Variants in SGPL1 observed in about 807,000 individuals in gnomAD.
The protein encoded by SGPL1 is SP-lyase 1.
SGPL1 carries 37 observed loss-of-function variants against 68.9 expected under a neutral mutation model. That is an observed-to-expected ratio of 0.54 (90% CI 0.41 to 0.71). SGPL1 has a LOEUF of 0.71. Ranked by LOEUF, SGPL1 falls within the 30% of genes least tolerant of loss-of-function variation. SGPL1 has a pLI of 0.00. For synonymous variants in SGPL1, 236 were observed against 248.5 expected (o/e 0.95, Z 0.47); for missense variants, 551 against 704.6 (o/e 0.78, Z 2.47).
chr10:70,831,209 TCTCTC>T (rs1457945325), intron 2 of SGPL1, among the ~76,000 whole-genome samples: 2 of 152,120 alleles, frequency 1.3e-5, no homozygotes, highest in Non-Finnish European at 2.9e-5. Context: ...AGGGAAAAAC[TCTCTC>T]CTCTACTCTC....
chr10:70,824,974 T>TG (rs1845407102), intron 2 of SGPL1, among the ~76,000 whole-genome samples: 1 of 151,132 alleles, frequency 6.6e-6, no homozygotes, highest in Non-Finnish European at 1.5e-5. Flanking sequence ...TTCTCTTTTT[T>TG]TTTTTTTTTG....
In SGPL1 at chr10:70,823,439, G is replaced by A. The variant is rs577761420; in HGVS notation, c.27+6559G>A. ...ATTACACAGTAATTATAAATGTTTA[G>A]TACCAACCTGATGACAAACACTATT... On this transcript the variant is annotated intron_variant, in intron 2 of 14. Coordinates refer to ENST00000373202, the MANE Select transcript of SGPL1 (RefSeq NM_003901.4). Among the ~76,000 whole-genome samples, 147 of 150,752 alleles carry A rather than the reference G, an allele frequency of 9.8e-4. 5 individuals are homozygous for A. The South Asian group carries it at 0.03, about 30-fold the overall frequency.
At chr10:70,865,377 G>T (rs1290509538) in intron 7 of SGPL1, among the ~76,000 whole-genome samples, 3 of 149,928 alleles carry the variant, frequency 2.0e-5, no homozygotes, top group African/African-American at 7.4e-5. Context: ...GGGGTTTTTT[G>T]CATTGCTGCA....
chr10:70,871,401 C>G (rs560816136), intron 10 of SGPL1, among the ~76,000 whole-genome samples: 2 of 152,284 alleles, frequency 1.3e-5, no homozygotes, highest in African/African-American at 4.8e-5. Context: ...GGATTGCCTT[C>G]TAGATTGAGA....
At chr10:70,875,609 G>T in intron 13 of SGPL1, 61 bp downstream of exon 13, 2 of 1,397,416 alleles carry the variant, frequency 1.4e-6, no homozygotes, top group South Asian at 1.2e-5. Flanking sequence ...AACTTGGGTG[G>T]TACAGTAACC....
At position 70,874,072 on chromosome 10, in the gene SGPL1, T is replaced by C. The variant is rs544789247; in HGVS notation, c.1298+483T>C. On this transcript the variant is annotated intron_variant, in intron 12 of 14. Transcript: ENST00000373202. ...TCCAGGAATCATACTTGAAGAATCA[T>C]TGGAATAAGAAAATAATTGGAAATG... Among the ~76,000 whole-genome samples the C allele has an allele frequency of 4.6e-5, 7 of 152,230 alleles. No homozygotes were observed. In the South Asian group the frequency reaches 1.0e-3, roughly 23 times the overall value.
chr10:70,859,376 TG>T lies in SGPL1; in HGVS notation c.494del (p.Gly165GlufsTer20). ...KLTELLVKAY[G>X]DFAWSNPLHP... is the part of the protein sequence containing the mutation. ...CTGCTTGCATTTTTTTGCAGGCTTA[TG>T]GAGATTTTGCATGGAGTAACCCCCT... On this transcript the variant is annotated frameshift_variant, in exon 7 of 15. Coordinates refer to ENST00000373202, the MANE Select transcript of SGPL1 (RefSeq NM_003901.4). LOFTEE classifies it high-confidence loss of function. 6.6e-7 allele frequency: 1 copy of T among 1,506,286 alleles called. No individual in the cohort carries two copies. The highest frequency in any genetic ancestry group is 8.9e-7 in the Non-Finnish European group (1 of 1,125,710). The allele number at this position is 1,506,286 out of a possible 1,614,324, so 93.3% of individuals were successfully genotyped here.
At chr10:70,829,229 G>A (rs776972991) in intron 2 of SGPL1, among the ~76,000 whole-genome samples, 1 of 152,134 alleles carries the variant, frequency 6.6e-6, no homozygotes, top group Non-Finnish European at 1.5e-5. Flanking sequence ...GAGGGCACTC[G>A]CAGCCTTCTG....
rs201814090 is a variant in SGPL1 at position 70,869,745 on chromosome 10, A to C, written c.705-47A>C. 7.8e-6 allele frequency: 11 copies of C among 1,405,066 alleles called. No individual in the cohort carries two copies. In the East Asian group the frequency reaches 2.1e-4, roughly 27 times the overall value. The allele number at this position is 1,405,066 out of a possible 1,614,324, so 87.0% of individuals were successfully genotyped here. A position where few individuals can be genotyped will look rare whatever the true frequency, so the allele number is the denominator to read the frequency against. Reference sequence around the variant, plus strand: ...AGATTAGCTGCTAATGGTGTTTTCTATTATTTTGGCCTGAGTTACATTATT... The same window carrying C: ...AGATTAGCTGCTAATGGTGTTTTCTCTTATTTTGGCCTGAGTTACATTATT... On this transcript the variant is annotated intron_variant, in intron 8 of 14. Transcript: ENST00000373202.
intron 2 of SGPL1, among the ~76,000 whole-genome samples, chr10:70,838,888 T>G (rs1461455612): frequency 2.6e-5 from 4 of 152,262 alleles, no homozygotes; most frequent in Non-Finnish European, 4.4e-5. Context: ...GACTGTATTT[T>G]ACAACACAGT....
At chr10:70,851,793 G>A (rs1490211076) in intron 4 of SGPL1, among the ~76,000 whole-genome samples, 1 of 152,202 alleles carries the variant, frequency 6.6e-6, no homozygotes, top group African/African-American at 2.4e-5. Context: ...CCCTTGCAGA[G>A]GGACAGCAGC....
At chr10:70,849,912 T>G (rs1348437713) in intron 3 of SGPL1, among the ~76,000 whole-genome samples, 1 of 152,176 alleles carries the variant, frequency 6.6e-6, no homozygotes, top group African/African-American at 2.4e-5. Flanking sequence ...TATCACTGAT[T>G]TTATCTGTGG....
At chr10:70,862,684 C>T (rs547824365) in intron 7 of SGPL1, among the ~76,000 whole-genome samples, 230 of 152,030 alleles carry the variant, frequency 1.5e-3, no homozygotes, top group African/African-American at 5.3e-3. Context: ...CAACTCCGGA[C>T]GCGCTGCCTT....
Position 70,876,556 on chromosome 10 carries a change from C to G in SGPL1, c.1461C>G (p.Ile487Met). 1 of 1,611,552 alleles carries G rather than the reference C, an allele frequency of 6.2e-7. No individual in the cohort carries two copies. Among genetic ancestry groups the G allele is most frequent in the Non-Finnish European group, 8.5e-7 (1 of 1,178,628 alleles). The stretch of plus-strand genomic sequence containing the variant: ...TCTTTCCTAGTATTCATTTCTGCAT[C>G]ACATTACTACACGCCCGGAAACGAG... ...LQFPPSIHFC[I>M]TLLHARKRVA... The change falls in exon 14 of 15, where the codon ATC becomes ATG. Residue 487 changes from isoleucine to methionine, a missense_variant. Ile to Met is a conservative substitution (Grantham distance 10). Transcript: ENST00000373202.
chr10:70,826,055 C>T (rs868485939), intron 2 of SGPL1, among the ~76,000 whole-genome samples: 1 of 150,512 alleles, frequency 6.6e-6, no homozygotes, highest in Admixed American at 6.6e-5. Flanking sequence ...GTGGTGGGTG[C>T]CTGTAATCAA....
intron 2 of SGPL1, among the ~76,000 whole-genome samples, chr10:70,818,418 C>G (rs1171906182): frequency 6.6e-6 from 1 of 152,160 alleles, no homozygotes; most frequent in Non-Finnish European, 1.5e-5. Flanking sequence ...GCCGCCGTGT[C>G]CAGCCAAGTT....
At chr10:70,820,905 C>T (rs1219208135) in intron 2 of SGPL1, among the ~76,000 whole-genome samples, 3 of 152,086 alleles carry the variant, frequency 2.0e-5, no homozygotes, top group Non-Finnish European at 4.4e-5. Flanking sequence ...AAAGGGATTA[C>T]AGAATATTTG....
chr10:70,834,528 A>G (rs1845594517), intron 2 of SGPL1, among the ~76,000 whole-genome samples: 1 of 152,220 alleles, frequency 6.6e-6, no homozygotes, highest in Non-Finnish European at 1.5e-5. Context: ...TTTTCAAACT[A>G]ATTTCTTTCC....
chr10:70,819,157 C>T (rs765018622), intron 2 of SGPL1, among the ~76,000 whole-genome samples: 8 of 152,308 alleles, frequency 5.3e-5, no homozygotes, highest in South Asian at 2.1e-4. Context: ...TGCTTTTACT[C>T]GGAATATTAA....
Sources: allele counts gnomAD v4.1 joint callset (sites outside exome capture counted in the v4.1 genomes callset), GRCh38; gene constraint gnomAD v4.1.1; transcripts MANE v1.5; gene names NCBI Gene and HGNC (gene_info 2026-07-23, HGNC 2026-07-21).